COL23A1: variants seen among roughly 807,000 people sequenced by gnomAD.
COL23A1 encodes collagen type XXIII alpha 1 chain.
Under a neutral mutation model 99.3 loss-of-function variants are expected in COL23A1, and 97 were observed. That is an observed-to-expected ratio of 0.98 (90% CI 0.83 to 1.16). COL23A1 has a LOEUF of 1.16. COL23A1 is among the 50% of genes most tolerant of loss of function. The probability of loss-of-function intolerance (pLI) is 0.00; values close to 1 mark genes in which losing one functional copy is unlikely to be tolerated. For missense variants in COL23A1, 762 were observed against 757.4 expected, an observed-to-expected ratio of 1.01 and a Z score of -0.07; for synonymous variants, 320 against 308.2, an observed-to-expected ratio of 1.04 and a Z score of -0.40.
chr5:178,475,103 T>G (rs913698602), intron 2 of COL23A1, among the ~76,000 whole-genome samples: 1 of 152,204 alleles, frequency 6.6e-6, no homozygotes, highest in African/African-American at 2.4e-5. Flanking sequence ...TTCCCTTGTG[T>G]TAAATGGACA....
intron 18 of COL23A1, 51 bp downstream of exon 18, chr5:178,250,010 G>A (rs1306897872): frequency 1.3e-6 from 2 of 1,580,026 alleles, no homozygotes; most frequent in Non-Finnish European, 1.7e-6. Context: ...CACACACACA[G>A]AGCCCAATAC....
intron 2 of COL23A1, among the ~76,000 whole-genome samples, chr5:178,408,973 A>AC (rs1189863769): frequency 1.9e-4 from 12 of 61,904 alleles, no homozygotes; most frequent in South Asian, 1.2e-3. Context: ...AAAAAAAAAA[A>AC]ATACACACAC....
In COL23A1 at chr5:178,384,465, C is replaced by T. The variant is rs1392056848; in HGVS notation, c.362-77546G>A. 3.9e-5 allele frequency among the ~76,000 whole-genome samples: 6 copies of T among 152,222 alleles called. No homozygotes were observed. The highest frequency in any genetic ancestry group is 7.3e-5 in the Non-Finnish European group (5 of 68,040). ...AAGCCAGACCTCTCCTCCCTGCCCA[C>T]CCCTCCCTCGGCTTTTTGGAGGCCA... On this transcript the variant is annotated intron_variant, in intron 2 of 28. Coordinates refer to ENST00000390654, the MANE Select transcript of COL23A1 (RefSeq NM_173465.4). This position sits in a 1 kb window ranked among gnomAD's most constrained non-coding sequence, Gnocchi z 5.5.
chr5:178,323,857 C>T (rs944721496), intron 2 of COL23A1, among the ~76,000 whole-genome samples: 17 of 152,176 alleles, frequency 1.1e-4, no homozygotes, highest in African/African-American at 4.1e-4. Flanking sequence ...ATCAACCCTC[C>T]TTTGCAGATG....
intron 2 of COL23A1, among the ~76,000 whole-genome samples, chr5:178,311,017 C>T (rs1381024106): frequency 2.6e-5 from 4 of 152,098 alleles, no homozygotes; most frequent in Non-Finnish European, 5.9e-5. Flanking sequence ...AAAACTTGTC[C>T]CAGCTAGAGG....
chr5:178,346,786 C>T (rs1466721037), intron 2 of COL23A1, among the ~76,000 whole-genome samples: 1 of 152,188 alleles, frequency 6.6e-6, no homozygotes, highest in African/African-American at 2.4e-5. Context: ...CTTGTTTTCC[C>T]ATCATGATTA....
intron 2 of COL23A1, among the ~76,000 whole-genome samples, chr5:178,411,464 A>C (rs1765052957): frequency 6.6e-6 from 1 of 152,254 alleles, no homozygotes; most frequent in African/African-American, 2.4e-5. Context: ...TTTATCCATA[A>C]AAGGAAATGA....
Position 178,242,404 on chromosome 5 carries a change from G to C in COL23A1, c.1441-10C>G. 1.9e-6 allele frequency: 3 copies of C among 1,613,974 alleles called. No individual in the cohort carries two copies. The highest frequency in any genetic ancestry group is 2.2e-5 in the East Asian group (1 of 44,882). On this transcript the variant is annotated splice_polypyrimidine_tract_variant and intron_variant, in intron 25 of 28. Coordinates refer to ENST00000390654, the MANE Select transcript of COL23A1 (RefSeq NM_173465.4). ...GGGGTCCAGGGAAACCCTGACAAAAGGATTAGATGCTAAACCCGAAAATGA... is the reference window on the plus strand; with the variant it reads ...GGGGTCCAGGGAAACCCTGACAAAACGATTAGATGCTAAACCCGAAAATGA...
At chr5:178,334,803 G>T (rs1760232027) in intron 2 of COL23A1, among the ~76,000 whole-genome samples, 1 of 152,180 alleles carries the variant, frequency 6.6e-6, no homozygotes, top group African/African-American at 2.4e-5. Context: ...AGTCTTAGGA[G>T]GTGGGAATAT....
intron 2 of COL23A1, among the ~76,000 whole-genome samples, chr5:178,494,352 C>T (rs182841712): frequency 1.1e-4 from 16 of 152,254 alleles, no homozygotes; most frequent in Admixed American, 5.9e-4. Context: ...AGCAGCAGGT[C>T]ACATGCCATG....
In COL23A1 at chr5:178,309,664, C is replaced by T. The variant is rs1758561634; in HGVS notation, c.362-2745G>A. 6.6e-6 allele frequency among the ~76,000 whole-genome samples: 1 copy of T among 151,636 alleles called. No homozygotes were observed. Among genetic ancestry groups the T allele is most frequent in the Non-Finnish European group, 1.5e-5 (1 of 67,916 alleles). On this transcript the variant is annotated intron_variant, in intron 2 of 28. Transcript: ENST00000390654. The surrounding 1 kb of genome is among the most constrained non-coding windows in gnomAD (Gnocchi z 4.7). ...GCCCCCTGCCTCCCTTGTTACTTAC[C>T]TGCAGGTCCCAGCAGCACCCAAGCA...
rs1318331283 is a variant in COL23A1 at position 178,256,394 on chromosome 5, C to A, written c.841G>T (p.Glu281Ter). The A allele has an allele frequency of 1.9e-6, 3 of 1,606,540 alleles. No homozygotes were observed. Among genetic ancestry groups the A allele is most frequent in the Non-Finnish European group, 1.7e-6 (2 of 1,176,006 alleles). ...GVDGAPGPKGEPGHRGTDGAA... is the reference protein window; with the variant it reads ...GVDGAPGPKG ...CCATCCGTGCCTCGGTGGCCAGGCT[C>A]CCCCTGTGGAGACATGCATTTGCAG... Residue 281 changes from glutamate to a stop codon, truncating the protein, a stop_gained, in exon 15 of 29, where the codon GAG becomes TAG. Transcript: ENST00000390654. LOFTEE classifies it high-confidence loss of function.
At chr5:178,238,745 G>A (rs758435503) in intron 28 of COL23A1, 45 bp from the exon 29 acceptor site, 1 of 1,612,038 alleles carries the variant, frequency 6.2e-7, no homozygotes, top group East Asian at 2.2e-5. Flanking sequence ...AGCCCGAGAA[G>A]CTCCGCCCCC....
chr5:178,401,405 T>C (rs1229057181), intron 2 of COL23A1, among the ~76,000 whole-genome samples: 1 of 152,232 alleles, frequency 6.6e-6, no homozygotes, highest in Non-Finnish European at 1.5e-5. Context: ...GCATAAAGCA[T>C]GTAGTATGAT....
intron 2 of COL23A1, among the ~76,000 whole-genome samples, chr5:178,427,051 T>G (rs1177154149): frequency 6.6e-6 from 1 of 152,080 alleles, no homozygotes; most frequent in Non-Finnish European, 1.5e-5. Context: ...ACCAAAAAAA[T>G]TAGCCAGGCA....
chr5:178,472,366 G>A (rs976126129), intron 2 of COL23A1, among the ~76,000 whole-genome samples: 11 of 152,194 alleles, frequency 7.2e-5, no homozygotes, highest in Non-Finnish European at 2.9e-5. Flanking sequence ...CCCAGAGCAG[G>A]TGGATAAGGG....
At chr5:178,488,617 G>A (rs1372951758) in intron 2 of COL23A1, among the ~76,000 whole-genome samples, 1 of 151,746 alleles carries the variant, frequency 6.6e-6, no homozygotes, top group Non-Finnish European at 1.5e-5. Flanking sequence ...TGCACAGCAG[G>A]CCGCCACTTT....
At chr5:178,300,327 A>G (rs1757965040) in intron 3 of COL23A1, among the ~76,000 whole-genome samples, 1 of 152,050 alleles carries the variant, frequency 6.6e-6, no homozygotes, top group African/African-American at 2.4e-5. Context: ...CAGCCTCCCA[A>G]AATGCTGGGA....
At chr5:178,574,016 G>T (rs1763230950) in intron 1 of COL23A1, among the ~76,000 whole-genome samples, 1 of 152,008 alleles carries the variant, frequency 6.6e-6, no homozygotes, top group Admixed American at 6.6e-5. Context: ...CCACCATCAC[G>T]CCCGCCTAAT....
Sources: allele counts gnomAD v4.1 joint callset (sites outside exome capture counted in the v4.1 genomes callset), GRCh38; gene constraint gnomAD v4.1.1; non-coding constraint Gnocchi (gnomAD v3.1); transcripts MANE v1.5; gene names NCBI Gene and HGNC (gene_info 2026-07-23, HGNC 2026-07-21).